Variants in CBL observed in about 807,000 individuals in gnomAD.
CBL encodes Cbl proto-oncogene.
Under a neutral mutation model 96.9 loss-of-function variants are expected in CBL, and 45 were observed. The observed-to-expected ratio is 0.46, with a 90% CI of 0.37 to 0.60. The LOEUF is 0.60. Among genes scored for constraint, CBL ranks in the 20% least tolerant of loss-of-function variants. The pLI is 0.00. For missense variants in CBL, 1,024 were observed against 1,143.5 expected (o/e 0.90, Z 1.51); for synonymous variants, 420 against 426.8 (o/e 0.98, Z 0.20).
intron 2 of CBL, among the ~76,000 whole-genome samples, chr11:119,236,785 G>A (rs935129071): frequency 6.6e-6 from 1 of 151,756 alleles, no homozygotes; most frequent in Non-Finnish European, 1.5e-5. Context: ...TTTTATTACA[G>A]CTATTCTACT....
At chr11:119,206,785 G>T (rs1949273172) in intron 1 of CBL, among the ~76,000 whole-genome samples, 173 bp downstream of exon 1, 1 of 151,260 alleles carries the variant, frequency 6.6e-6, no homozygotes, top group Non-Finnish European at 1.5e-5. Flanking sequence ...GGCCGGGAGG[G>T]TGGGGGGCGG....
At chr11:119,254,726 T>C (rs979084477) in intron 2 of CBL, among the ~76,000 whole-genome samples, 1 of 152,038 alleles carries the variant, frequency 6.6e-6, no homozygotes, top group South Asian at 2.1e-4. Flanking sequence ...CTCAGACTCC[T>C]GAGTAGCTGG....
intron 1 of CBL, among the ~76,000 whole-genome samples, chr11:119,224,445 C>T (rs557408480): frequency 6.6e-6 from 1 of 152,158 alleles, no homozygotes; most frequent in African/African-American, 2.4e-5. Flanking sequence ...GACTCCCTGC[C>T]AAAAGTTAAC....
chr11:119,278,113 A>G (rs1949903209), intron 7 of CBL, 53 bp from the exon 8 acceptor site: 4 of 1,395,194 alleles, frequency 2.9e-6, no homozygotes, highest in African/African-American at 2.9e-5. Context: ...GTTAACATTT[A>G]TAATTGCAGT....
intron 2 of CBL, among the ~76,000 whole-genome samples, chr11:119,247,304 C>T (rs572903730): frequency 7.2e-5 from 11 of 152,154 alleles, no homozygotes; most frequent in Admixed American, 1.3e-4. Context: ...ATCTCATCAA[C>T]GTGGTACTAG....
chr11:119,252,495 A>G (rs112392398), intron 2 of CBL, among the ~76,000 whole-genome samples: 114 of 152,322 alleles, frequency 7.5e-4, no homozygotes, highest in Middle Eastern at 6.8e-3. Context: ...TCTAAGTGCT[A>G]TTGACATCAA....
rs1950096279 is a variant in CBL at position 119,300,756 on chromosome 11, T to G, written c.*975T>G. 2.5e-6 allele frequency: 1 copy of G among 393,820 alleles called. No homozygotes were observed. Among genetic ancestry groups the G allele is most frequent in the African/African-American group, 2.1e-5 (1 of 48,560 alleles). The allele number at this position is 393,820 out of a possible 1,614,324, so 24.4% of individuals were successfully genotyped here. A position where few individuals can be genotyped will look rare whatever the true frequency, so the allele number is the denominator to read the frequency against. On this transcript the variant is annotated 3_prime_UTR_variant, in exon 16 of 16. Coordinates refer to ENST00000264033, the MANE Select transcript of CBL (RefSeq NM_005188.4). ...GTCAGTTGCCTTGGTGCCAGGTATG[T>G]GTTCTGATGTAGGTCATGAGTCTTT...
intron 1 of CBL, among the ~76,000 whole-genome samples, chr11:119,214,244 T>G (rs1392163876): frequency 2.1e-5 from 3 of 144,514 alleles, no homozygotes; most frequent in Non-Finnish European, 4.6e-5. Context: ...CGCCCGGACT[T>G]TTTTTTTTTT....
chr11:119,220,187 G>A (rs1242604778), intron 1 of CBL, among the ~76,000 whole-genome samples: 1 of 152,110 alleles, frequency 6.6e-6, no homozygotes, highest in Non-Finnish European at 1.5e-5. Flanking sequence ...ATTTAGTAGA[G>A]ATGGGGTTTC....
At position 119,285,220 on chromosome 11, in the gene CBL, C is replaced by G; in HGVS notation, c.1595C>G (p.Pro532Arg). The change falls in exon 11 of 16, where the codon CCA (proline) becomes CGA (arginine). Residue 532 changes from proline (P) to arginine (R), a missense_variant. Pro to Arg is a moderately radical substitution (Grantham distance 103, BLOSUM62 -2). This residue lies in a region of CBL where 695 missense variants were observed against 661.6 expected (regional missense o/e 1.05). Coordinates refer to ENST00000264033, the MANE Select transcript of CBL (RefSeq NM_005188.4). Reference protein sequence around the residue: ...AASGSLHKDKPLPVPPTLRDL... With the variant: ...AASGSLHKDKRLPVPPTLRDL... ...TCTGGCTCCCTTCATAAAGACAAAC[C>G]ATTGCCAGTACCTCCCACACTTCGA... is the stretch of plus-strand genomic sequence containing the variant. 1 of 1,614,224 alleles carries G rather than the reference C, an allele frequency of 6.2e-7. No individual in the cohort carries two copies. The highest frequency in any genetic ancestry group is 8.5e-7 in the Non-Finnish European group (1 of 1,180,036).
chr11:119,277,216 C>CA lies in CBL; in HGVS notation c.1008-531dup, dbSNP rs35323530. ...GAGCCAAGATCACTCACTGCAACCT[C>CA]AAAAAAAAAATAAGAATCTGTCGCG... On this transcript the variant is annotated intron_variant, in intron 6 of 15. Coordinates refer to ENST00000264033, the MANE Select transcript of CBL (RefSeq NM_005188.4). Among the ~76,000 whole-genome samples the CA allele has an allele frequency of 4.1e-4, 51 of 122,904 alleles. 1 individual carries two copies. The highest frequency in any genetic ancestry group is 5.1e-4 in the South Asian group (2 of 3,920). The allele number at this position is 122,904 out of a possible 152,430, so 80.6% of individuals were successfully genotyped here.
intron 2 of CBL, among the ~76,000 whole-genome samples, chr11:119,237,942 G>T (rs760266170): frequency 1.3e-4 from 19 of 151,984 alleles, no homozygotes; most frequent in Non-Finnish European, 2.4e-4. Context: ...CGCCATCTTG[G>T]CTCACTGCAA....
intron 3 of CBL, among the ~76,000 whole-genome samples, chr11:119,273,072 C>T (rs1427949052): frequency 6.6e-6 from 1 of 151,576 alleles, no homozygotes; most frequent in African/African-American, 2.4e-5. Context: ...GCCTCAAACT[C>T]TTGGATTCAA....
intron 9 of CBL, among the ~76,000 whole-genome samples, chr11:119,282,913 G>A (rs534083461): frequency 4.6e-5 from 7 of 151,494 alleles, no homozygotes; most frequent in Non-Finnish European, 7.4e-5. Flanking sequence ...ACAAGACCCC[G>A]TCTACCCGTG....
At chr11:119,222,739 T>C (rs1202399115) in intron 1 of CBL, among the ~76,000 whole-genome samples, 1 of 152,032 alleles carries the variant, frequency 6.6e-6, no homozygotes, top group Non-Finnish European at 1.5e-5. Context: ...CTAAATAATA[T>C]AGGCAGATTG....
chr11:119,280,664 C>T lies in CBL; in HGVS notation c.1431+1951C>T, dbSNP rs1344195441. The stretch of plus-strand genomic sequence containing the variant: ...AAACATTGGTTCCCTGCCTCTGCCC[C>T]CTCCAGCACCTCTCTGTCCCCTCGT... On this transcript the variant is annotated intron_variant, in intron 9 of 15. Transcript: ENST00000264033. Among the ~76,000 whole-genome samples, 5 of 152,096 alleles carry T rather than the reference C, an allele frequency of 3.3e-5. No individual in the cohort carries two copies. The East Asian group carries it at 7.7e-4, about 23-fold the overall frequency.
At chr11:119,223,767 C>T (rs890976941) in intron 1 of CBL, among the ~76,000 whole-genome samples, 17 of 152,224 alleles carry the variant, frequency 1.1e-4, no homozygotes, top group Middle Eastern at 3.4e-3. Context: ...GCTGGGATTA[C>T]AGGCACGTGC....
intron 11 of CBL, among the ~76,000 whole-genome samples, chr11:119,287,085 C>T (rs1054175008): frequency 6.6e-6 from 1 of 152,070 alleles, no homozygotes; most frequent in Non-Finnish European, 1.5e-5. Flanking sequence ...TTGGGAGAGA[C>T]TGAAGAATAA....
chr11:119,283,625 C>CTTTCTT (rs1949955222), intron 9 of CBL, among the ~76,000 whole-genome samples: 9 of 45,512 alleles, frequency 2.0e-4, no homozygotes, highest in African/African-American at 7.0e-4. Context: ...TTAATTCTTT[C>CTTTCTT]TTTTTTTTTT....
Sources: gnomAD v4.1 joint callset for allele counts (sites outside exome capture counted in the v4.1 genomes callset) on GRCh38, gnomAD v4.1.1 for gene constraint, gnomAD v4.1.1 regional missense constraint, MANE v1.5 for transcripts, NCBI Gene and HGNC (gene_info 2026-07-23, HGNC 2026-07-21) for gene names.